PAFAH1B2: variants seen among roughly 807,000 people sequenced by gnomAD.
PAFAH1B2 encodes the protein platelet activating factor acetylhydrolase 1b catalytic subunit 2.
A neutral mutation model predicts 28.0 loss-of-function variants in PAFAH1B2; 8 were observed. That is an observed-to-expected ratio of 0.29 (90% CI 0.17 to 0.52). PAFAH1B2 has a LOEUF of 0.52. Among genes scored for constraint, PAFAH1B2 ranks in the 20% least tolerant of loss-of-function variants. The pLI is 0.97. For synonymous variants in PAFAH1B2, 104 were observed against 103.2 expected (o/e 1.01, Z -0.05); for missense variants, 190 against 282.6 (o/e 0.67, Z 2.35).
chr11:117,175,589 T>C, downstream of PAFAH1B2: 1 of 1,157,322 alleles, frequency 8.6e-7, no homozygotes, highest in Non-Finnish European at 1.1e-6. Context: ...CAAACAGAAA[T>C]AGTGATAGTC....
intron 1 of PAFAH1B2, among the ~76,000 whole-genome samples, chr11:117,151,591 C>G (rs937571238): frequency 2.6e-5 from 4 of 152,080 alleles, no homozygotes; most frequent in African/African-American, 7.2e-5. Context: ...AAACATTTGT[C>G]GAAAACCAGT....
chr11:117,152,049 T>C (rs919400686), intron 1 of PAFAH1B2, among the ~76,000 whole-genome samples: 35 of 152,206 alleles, frequency 2.3e-4, no homozygotes, highest in Non-Finnish European at 4.8e-4. Flanking sequence ...TGTGTAACTC[T>C]TAACAGCTGA....
At chr11:117,150,705 G>A (rs1415178199) in intron 1 of PAFAH1B2, among the ~76,000 whole-genome samples, 1 of 152,122 alleles carries the variant, frequency 6.6e-6, no homozygotes, top group Non-Finnish European at 1.5e-5. Flanking sequence ...TTCTGAGAAA[G>A]CTTAGCTGTA....
downstream of PAFAH1B2, among the ~76,000 whole-genome samples, chr11:117,171,218 T>G (rs1217450495): frequency 6.6e-6 from 1 of 152,110 alleles, no homozygotes; most frequent in Non-Finnish European, 1.5e-5. Flanking sequence ...GCATGTAGAT[T>G]GGTAGGGTGG....
rs1462951095 is a variant in PAFAH1B2, at chr11:117,168,617, A to G, written c.*918A>G. On this transcript the variant is annotated 3_prime_UTR_variant, in exon 6 of 6. Coordinates refer to ENST00000527958, the MANE Select transcript of PAFAH1B2 (RefSeq NM_002572.4). ...GTGTTCTGTGCTATAGATTCTGTGT[A>G]TTGCTGTTCATATTCGGAGTTCTGG... The G allele has an allele frequency of 2.8e-6, 3 of 1,062,652 alleles. No individual in the cohort carries two copies. Among genetic ancestry groups the G allele is most frequent in the Non-Finnish European group, 3.4e-6 (3 of 878,104 alleles). 65.8% of individuals were successfully genotyped at this position (1,062,652 alleles called of 1,614,324 possible). A position where few individuals can be genotyped will look rare whatever the true frequency, so the allele number is the denominator to read the frequency against.
At chr11:117,149,823 G>C (rs1404358053) in intron 1 of PAFAH1B2, among the ~76,000 whole-genome samples, 1 of 152,122 alleles carries the variant, frequency 6.6e-6, no homozygotes, top group African/African-American at 2.4e-5. Context: ...ATACAAATGT[G>C]TAGGTAGTGG....
At chr11:117,151,782 G>A (rs928608829) in intron 1 of PAFAH1B2, among the ~76,000 whole-genome samples, 49 of 151,882 alleles carry the variant, frequency 3.2e-4, no homozygotes, top group Non-Finnish European at 2.2e-4. Flanking sequence ...CTCACTGCAA[G>A]CTCCACCTGC....
rs988433237 is a variant in PAFAH1B2 at position 117,169,010 on chromosome 11, C to T, written c.*1311C>T. On this transcript the variant is annotated 3_prime_UTR_variant, in exon 6 of 6. Coordinates refer to ENST00000527958, the MANE Select transcript of PAFAH1B2 (RefSeq NM_002572.4). ...TTCGCCATGTTAACCAGGCTGGTCT[C>T]GAACTCCTGACCTCAGGTGATCTGC... 26 of 469,904 alleles carry T rather than the reference C, an allele frequency of 5.5e-5. No homozygotes were observed. Among genetic ancestry groups the T allele is most frequent in the African/African-American group, 5.2e-4 (25 of 48,042 alleles). 29.1% of individuals were successfully genotyped at this position (469,904 alleles called of 1,614,324 possible).
At chr11:117,151,371 A>G (rs1303795606) in intron 1 of PAFAH1B2, among the ~76,000 whole-genome samples, 3 of 151,706 alleles carry the variant, frequency 2.0e-5, no homozygotes, top group Non-Finnish European at 2.9e-5. Context: ...CTGGGACTAC[A>G]GGTGCATGCC....
chr11:117,170,411 G>A lies in PAFAH1B2; in HGVS notation c.*2712G>A. 1.9e-6 allele frequency: 2 copies of A among 1,059,456 alleles called. No individual in the cohort carries two copies. The highest frequency in any genetic ancestry group is 2.3e-6 in the Non-Finnish European group (2 of 876,560). 65.6% of individuals were successfully genotyped at this position (1,059,456 alleles called of 1,614,324 possible). A position where few individuals can be genotyped will look rare whatever the true frequency, so the allele number is the denominator to read the frequency against. On this transcript the variant is annotated 3_prime_UTR_variant, in exon 6 of 6. Coordinates refer to ENST00000527958, the MANE Select transcript of PAFAH1B2 (RefSeq NM_002572.4). Reference sequence around the variant, plus strand: ...ATGTCTGTGGTCATATGTTGAATGTGGCAGCTTGAAGATGTACTGCCACGG... The same window carrying A: ...ATGTCTGTGGTCATATGTTGAATGTAGCAGCTTGAAGATGTACTGCCACGG...
In PAFAH1B2 at chr11:117,168,078, A is replaced by G; in HGVS notation, c.*379A>G. 9.5e-7 allele frequency: 1 copy of G among 1,058,022 alleles called. No individual in the cohort carries two copies. Among genetic ancestry groups the G allele is most frequent in the Non-Finnish European group, 1.1e-6 (1 of 873,886 alleles). The allele number at this position is 1,058,022 out of a possible 1,614,324, so 65.5% of individuals were successfully genotyped here. On this transcript the variant is annotated 3_prime_UTR_variant, in exon 6 of 6. Coordinates refer to ENST00000527958, the MANE Select transcript of PAFAH1B2 (RefSeq NM_002572.4). ...GATTATGTCATATATAATAATTATC[A>G]GAATCATTCTACTTGGCTTTAAAAC...
At chr11:117,145,235 C>T (rs1330239694) in intron 1 of PAFAH1B2, among the ~76,000 whole-genome samples, 1 of 152,170 alleles carries the variant, frequency 6.6e-6, no homozygotes, top group African/African-American at 2.4e-5. Flanking sequence ...TTCTGGTCTA[C>T]AGGTTTGATT....
chr11:117,175,973 C>T, downstream of PAFAH1B2: 1 of 1,506,344 alleles, frequency 6.6e-7, no homozygotes, highest in Non-Finnish European at 8.9e-7. Flanking sequence ...GGAAATCCTA[C>T]ACTGATTCTC....
At chr11:117,172,380 ATATATATATATATATATATATATATTT>A (rs1405849788), downstream of PAFAH1B2, among the ~76,000 whole-genome samples, 31 of 5,076 alleles carry the variant, frequency 6.1e-3, 1 homozygote, top group East Asian at 0.056. Flanking sequence ...ATATATATAT[ATATATATATATATATATATATATATTT>A]TTTTTTTTTT....
downstream of PAFAH1B2, among the ~76,000 whole-genome samples, chr11:117,172,453 T>A (rs1956694987): frequency 7.0e-6 from 1 of 143,878 alleles, no homozygotes; most frequent in Non-Finnish European, 1.5e-5. Context: ...GCTTTGGCAG[T>A]ATGCTTATAG....
At chr11:117,148,556 T>G (rs568218799) in intron 1 of PAFAH1B2, among the ~76,000 whole-genome samples, 21 of 152,310 alleles carry the variant, frequency 1.4e-4, no homozygotes, top group African/African-American at 5.1e-4. Flanking sequence ...AATAGTAAGT[T>G]CTTAATAAAT....
chr11:117,151,160 A>G (rs1393869670), intron 1 of PAFAH1B2, among the ~76,000 whole-genome samples: 1 of 151,606 alleles, frequency 6.6e-6, no homozygotes, highest in Non-Finnish European at 1.5e-5. Context: ...GAAGATTAGC[A>G]GTTCTAATTT....
downstream of PAFAH1B2, among the ~76,000 whole-genome samples, chr11:117,172,265 T>C (rs1258768970): frequency 2.0e-5 from 3 of 151,630 alleles, no homozygotes; most frequent in African/African-American, 7.3e-5. Flanking sequence ...AAAGCAAAGA[T>C]CTTCAATGTT....
intron 2 of PAFAH1B2, among the ~76,000 whole-genome samples, chr11:117,154,173 C>T (rs1248945715): frequency 6.6e-6 from 1 of 151,950 alleles, no homozygotes; most frequent in Admixed American, 6.6e-5. Flanking sequence ...TCATGGACAT[C>T]TGGATCATTT....
Sources: allele counts gnomAD v4.1 joint callset (sites outside exome capture counted in the v4.1 genomes callset), GRCh38; gene constraint gnomAD v4.1.1; transcripts MANE v1.5; gene names NCBI Gene and HGNC (gene_info 2026-07-23, HGNC 2026-07-21).